The following UBAC2 variants were observed in gnomAD, a reference collection of about 807,000 sequenced individuals.
UBAC2 encodes the protein ubiquitin-associated domain-containing protein 2.
In UBAC2, 26 loss-of-function variants were observed where a neutral mutation model predicts 44.0. That is an observed-to-expected ratio of 0.59 (90% confidence interval 0.43 to 0.82). UBAC2 has a LOEUF of 0.82. UBAC2 is among the 40% of genes least tolerant of loss of function. UBAC2 has a pLI of 0.00. For missense variants in UBAC2, 329 were observed against 419.4 expected, an observed-to-expected ratio of 0.78 and a Z score of 1.88; for synonymous variants, 155 against 154.3, an observed-to-expected ratio of 1.00 and a Z score of -0.04.
chr13:99,333,317 T>C (rs142212387), intron 6 of UBAC2, among the ~76,000 whole-genome samples: 1 of 152,374 alleles, frequency 6.6e-6, no homozygotes, highest in East Asian at 1.9e-4. Context: ...TAGCACTTTA[T>C]TTGACAACTT....
At chr13:99,351,614 G>C (rs1238534727) in intron 7 of UBAC2, 1 of 456,746 alleles carries the variant, frequency 2.2e-6, no homozygotes, top group East Asian at 6.9e-5. Flanking sequence ...TCCTCTCTCT[G>C]TTGGCTGATG....
intron 7 of UBAC2, among the ~76,000 whole-genome samples, chr13:99,344,787 G>T (rs1384160488): frequency 1.3e-5 from 2 of 152,174 alleles, no homozygotes; most frequent in South Asian, 4.1e-4. Flanking sequence ...TGTGGCTCTG[G>T]GGGCACAGTT....
rs142332399 is a variant in UBAC2 at position 99,361,617 on chromosome 13, A to G, written c.808-6170A>G. Among the ~76,000 whole-genome samples the G allele has an allele frequency of 2.9e-3, 449 of 152,264 alleles. 2 individuals are homozygous for G. Among genetic ancestry groups the G allele is most frequent in the African/African-American group, 0.01 (436 of 41,536 alleles). On this transcript the variant is annotated intron_variant, in intron 7 of 8. Coordinates refer to ENST00000403766, the MANE Select transcript of UBAC2 (RefSeq NM_001144072.2). ...GGGTTTCTCAACCTAAACACCATTGACATTTTGATCCAGACCATTCTTTGT... is the reference window on the plus strand; with the variant it reads ...GGGTTTCTCAACCTAAACACCATTGGCATTTTGATCCAGACCATTCTTTGT...
intron 4 of UBAC2, among the ~76,000 whole-genome samples, chr13:99,280,203 T>C (rs1378974162): frequency 6.6e-6 from 1 of 152,218 alleles, no homozygotes; most frequent in East Asian, 1.9e-4. Context: ...TTCCTCCTGC[T>C]GTTTTATAAA....
At chr13:99,271,771 C>T (rs1172635485) in intron 4 of UBAC2, among the ~76,000 whole-genome samples, 1 of 152,032 alleles carries the variant, frequency 6.6e-6, no homozygotes, top group African/African-American at 2.4e-5. Flanking sequence ...ATTTGCTCTT[C>T]GAGTCCCCAT....
At chr13:99,244,680 T>TA in intron 4 of UBAC2, 56 bp downstream of exon 4, 1 of 1,040,368 alleles carries the variant, frequency 9.6e-7, no homozygotes, top group Non-Finnish European at 1.4e-6. Context: ...TGATTTAAAG[T>TA]GTTATTATTA....
At chr13:99,240,060 T>C (rs1171051829) in intron 2 of UBAC2, among the ~76,000 whole-genome samples, 1 of 152,296 alleles carries the variant, frequency 6.6e-6, no homozygotes, top group South Asian at 2.1e-4. Context: ...ACAGGAAGCG[T>C]GCTTTGAGGC....
At chr13:99,204,949 G>A (rs915541533) in intron 1 of UBAC2, among the ~76,000 whole-genome samples, 2 of 137,250 alleles carry the variant, frequency 1.5e-5, no homozygotes, top group Non-Finnish European at 3.0e-5. Context: ...CTGTCGCCAG[G>A]CTGGAGTGCA....
intron 2 of UBAC2, among the ~76,000 whole-genome samples, chr13:99,241,962 G>A (rs1254975154): frequency 2.7e-5 from 4 of 150,488 alleles, no homozygotes; most frequent in African/African-American, 4.9e-5. Flanking sequence ...CTGCCTTCAA[G>A]CATCTGTTTA....
rs1048336173 is a variant in UBAC2, at chr13:99,386,170, A to C, written c.*835A>C. 6.6e-6 allele frequency: 1 copy of C among 152,248 alleles called. No homozygotes were observed. The highest frequency in any genetic ancestry group is 2.4e-5 in the African/African-American group (1 of 41,444). 9.4% of individuals were successfully genotyped at this position (152,248 alleles called of 1,614,324 possible). On this transcript the variant is annotated 3_prime_UTR_variant, in exon 9 of 9. Coordinates refer to ENST00000403766, the MANE Select transcript of UBAC2 (RefSeq NM_001144072.2). ...TGCCTGGCCCTCCTGGCTCGCAGCC[A>C]GCCAGCCCCCTGGCAGCAGGTTCTC... is the stretch of plus-strand genomic sequence containing the variant.
At chr13:99,249,576 G>A (rs2043432823) in intron 4 of UBAC2, among the ~76,000 whole-genome samples, 1 of 152,176 alleles carries the variant, frequency 6.6e-6, no homozygotes, top group South Asian at 2.1e-4. Flanking sequence ...ATTGCTGAGT[G>A]GAATGGTAGT....
intron 4 of UBAC2, among the ~76,000 whole-genome samples, chr13:99,246,445 A>G (rs1359296210): frequency 6.6e-6 from 1 of 152,222 alleles, no homozygotes; most frequent in African/African-American, 2.4e-5. Flanking sequence ...GTTTTCCCCA[A>G]AACATCTCCT....
chr13:99,241,907 T>C (rs1257728599), intron 2 of UBAC2, among the ~76,000 whole-genome samples: 1 of 150,052 alleles, frequency 6.7e-6, no homozygotes, highest in Admixed American at 6.6e-5. Flanking sequence ...TTTGTGTCCC[T>C]GGGTACTTGA....
rs1392607531 is a variant in UBAC2 at position 99,291,509 on chromosome 13, CATTTTAAGGGCT to C, written c.390-22586_390-22575del. Among the ~76,000 whole-genome samples, 3 of 152,272 alleles carry C rather than the reference CATTTTAAGGGCT, an allele frequency of 2.0e-5. No homozygotes were observed. In the East Asian group the frequency reaches 5.8e-4, roughly 29 times the overall value. On this transcript the variant is annotated intron_variant, in intron 4 of 8. Coordinates refer to ENST00000403766, the MANE Select transcript of UBAC2 (RefSeq NM_001144072.2). Reference sequence around the variant, plus strand: ...GGTCCAAAAAGTAACCAAAATAGACCATTTTAAGGGCTAATTTAAGATCAGTGCTTCCCCTTC... The same window carrying C: ...GGTCCAAAAAGTAACCAAAATAGACCAATTTAAGATCAGTGCTTCCCCTTC...
chr13:99,283,025 G>A (rs112372555), intron 4 of UBAC2, among the ~76,000 whole-genome samples: 1,981 of 152,298 alleles, frequency 0.013, 52 homozygotes, highest in African/African-American at 0.046. Context: ...TGAAGTAATA[G>A]AATGAATTCT....
At chr13:99,259,954 C>G (rs1178882782) in intron 4 of UBAC2, among the ~76,000 whole-genome samples, 1 of 152,186 alleles carries the variant, frequency 6.6e-6, no homozygotes, top group Non-Finnish European at 1.5e-5. Flanking sequence ...GAGGGCTCTC[C>G]ATAGGCCTGG....
chr13:99,239,866 A>G (rs1172961083), intron 2 of UBAC2, among the ~76,000 whole-genome samples: 1 of 136,552 alleles, frequency 7.3e-6, no homozygotes, highest in African/African-American at 2.7e-5. Flanking sequence ...GGTGTACATG[A>G]CATCCTTGGG....
chr13:99,237,594 A>G (rs61968345), intron 1 of UBAC2, among the ~76,000 whole-genome samples: 4,112 of 152,344 alleles, frequency 0.027, 79 homozygotes, highest in Non-Finnish European at 0.04. Context: ...AGTTGACACT[A>G]ATCTATCGTA....
intron 1 of UBAC2, among the ~76,000 whole-genome samples, chr13:99,203,554 T>G (rs776436108): frequency 2.4e-4 from 36 of 152,226 alleles, no homozygotes; most frequent in Admixed American, 5.2e-4. Context: ...TGCCTTTCTC[T>G]CTCATCCATT....
Sources: gnomAD v4.1 joint callset for allele counts (sites outside exome capture counted in the v4.1 genomes callset) on GRCh38, gnomAD v4.1.1 for gene constraint, MANE v1.5 for transcripts, NCBI Gene and HGNC (gene_info 2026-07-23, HGNC 2026-07-21) for gene names.